USP9X: variants seen among roughly 807,000 people sequenced by gnomAD.
USP9X encodes the protein ubiquitin specific peptidase 9 X-linked, also known as ubiquitin carboxyl-terminal hydrolase 9X.
Under a neutral mutation model 190.3 loss-of-function variants are expected in USP9X, and 7 were observed. The ratio of observed to expected loss-of-function variants is 0.04; its 90% CI spans 0.02 to 0.07. USP9X has a LOEUF of 0.07. USP9X is among the 10% of genes least tolerant of loss of function. The probability of loss-of-function intolerance (pLI) is 1.00; values close to 1 mark genes in which losing one functional copy is unlikely to be tolerated. For synonymous variants in USP9X, 645 were observed against 659.5 expected, an observed-to-expected ratio of 0.98 and a Z score of 0.34; for missense variants, 1,010 against 1,916.9, an observed-to-expected ratio of 0.53 and a Z score of 8.83.
At position 41,206,022 on chromosome X, in the gene USP9X, C is replaced by T. The variant is rs779256372; in HGVS notation, c.5015+529C>T. Among the ~76,000 whole-genome samples the T allele has an allele frequency of 4.6e-5, 5 of 108,963 alleles. No homozygotes were observed. In the East Asian group the frequency reaches 1.4e-3, roughly 31 times the overall value. The allele number at this position is 108,963 out of a possible 115,157, so 94.6% of individuals were successfully genotyped here. A position where few individuals can be genotyped will look rare whatever the true frequency, so the allele number is the denominator to read the frequency against. On this transcript the variant is annotated intron_variant, in intron 32 of 44. Transcript: ENST00000378308. Reference sequence around the variant, plus strand: ...TCTCCTGCCTCAGCCTCCCAAGTAGCTGGGATTACAGGCACCCACCACCAC... The same window carrying T: ...TCTCCTGCCTCAGCCTCCCAAGTAGTTGGGATTACAGGCACCCACCACCAC...
intron 24 of USP9X, 45 bp downstream of exon 24, chrX:41,186,687 C>A (rs1298119218): frequency 1.7e-5 from 20 of 1,187,170 alleles, no homozygotes; most frequent in Admixed American, 2.2e-5. Context: ...CTTTCCTAGG[C>A]CCACTTATTT....
At chrX:41,205,545 A>G (rs1449818574) in intron 32 of USP9X, 52 bp downstream of exon 32, 10 of 1,044,638 alleles carry the variant, frequency 9.6e-6, no homozygotes, top group Non-Finnish European at 1.3e-5. Context: ...GAACATCTCA[A>G]TACACTAACA....
chrX:41,203,263 G>A (rs1380042785), intron 31 of USP9X, among the ~76,000 whole-genome samples: 8 of 111,095 alleles, frequency 7.2e-5, no homozygotes, highest in Admixed American at 4.8e-4. Context: ...CATTTACATT[G>A]TTGTACACCA....
At chrX:41,197,895 C>T (rs2063001761) in intron 29 of USP9X, among the ~76,000 whole-genome samples, 1 of 110,480 alleles carries the variant, frequency 9.1e-6, no homozygotes. Flanking sequence ...CACCCATGGT[C>T]CCCAGCTACT....
chrX:41,174,570 C>T (rs1174849026), intron 21 of USP9X, among the ~76,000 whole-genome samples: 2 of 111,819 alleles, frequency 1.8e-5, no homozygotes, highest in South Asian at 7.4e-4. Flanking sequence ...ACCACAGAAG[C>T]GATGTTCTGT....
intron 1 of USP9X, among the ~76,000 whole-genome samples, chrX:41,098,360 G>T (rs1197010558): frequency 9.0e-6 from 1 of 110,531 alleles, no homozygotes; most frequent in Admixed American, 9.6e-5. Flanking sequence ...GGCTGGTCTC[G>T]AACTGCTGAC....
intron 1 of USP9X, among the ~76,000 whole-genome samples, chrX:41,103,792 A>C (rs564949133): frequency 1.8e-5 from 2 of 111,708 alleles, no homozygotes; most frequent in South Asian, 7.4e-4. Flanking sequence ...TATTGCTGGA[A>C]ACCTAGCATT....
intron 6 of USP9X, among the ~76,000 whole-genome samples, chrX:41,138,020 T>C (rs2062390302): frequency 9.0e-6 from 1 of 111,582 alleles, no homozygotes; most frequent in Admixed American, 9.6e-5. Context: ...AATATAGTTC[T>C]TGCTATTAAA....
At chrX:41,226,682 A>T (rs2147269933) in intron 41 of USP9X, among the ~76,000 whole-genome samples, 1 of 112,570 alleles carries the variant, frequency 8.9e-6, no homozygotes, top group South Asian at 3.6e-4. Flanking sequence ...AATTTTCGTG[A>T]GACACAAAAG....
At chrX:41,100,801 C>T (rs972177548) in intron 1 of USP9X, among the ~76,000 whole-genome samples, 13 of 110,686 alleles carry the variant, frequency 1.2e-4, no homozygotes, top group African/African-American at 4.3e-4. Flanking sequence ...TGCCCACCAC[C>T]ACGCCCAGCT....
intron 1 of USP9X, among the ~76,000 whole-genome samples, chrX:41,098,053 G>C (rs775375077): frequency 6.3e-4 from 70 of 111,115 alleles, no homozygotes; most frequent in Middle Eastern, 4.8e-3. Context: ...TAGTCATTCA[G>C]ATCAAGATAC....
intron 15 of USP9X, among the ~76,000 whole-genome samples, chrX:41,164,439 C>T (rs1043368168): frequency 6.4e-5 from 7 of 110,201 alleles, no homozygotes; most frequent in Non-Finnish European, 1.3e-4. Context: ...AGTAAGCAGT[C>T]GTTACTGATT....
intron 6 of USP9X, among the ~76,000 whole-genome samples, chrX:41,137,881 C>CT (rs747821412): frequency 2.9e-4 from 30 of 104,523 alleles, no homozygotes; most frequent in South Asian, 8.1e-4. Flanking sequence ...TTAAATTTTA[C>CT]TTTTTTTTTT....
intron 43 of USP9X, 129 bp downstream of exon 43, chrX:41,229,908 A>G: frequency 9.1e-7 from 1 of 1,102,530 alleles, no homozygotes; most frequent in Middle Eastern, 3.1e-4. Context: ...GGTTTTGAAA[A>G]ATGTTTATTC....
chrX:41,224,650 A>T (rs2063297289), intron 39 of USP9X, 92 bp from the exon 40 acceptor site: 2 of 851,285 alleles, frequency 2.3e-6, no homozygotes, highest in Non-Finnish European at 3.3e-6. Flanking sequence ...AAAATAAAAA[A>T]AAATTATAGG....
intron 4 of USP9X, among the ~76,000 whole-genome samples, chrX:41,132,899 CT>C (rs750006723): frequency 1.3e-4 from 14 of 111,420 alleles, no homozygotes; most frequent in East Asian, 2.8e-4. Context: ...TGGAATTAAT[CT>C]TTTTTTTCCC....
intron 1 of USP9X, among the ~76,000 whole-genome samples, chrX:41,101,979 T>G (rs1470811332): frequency 9.0e-6 from 1 of 111,443 alleles, no homozygotes; most frequent in Middle Eastern, 4.2e-3. Context: ...AGCATGGGAC[T>G]GAGGGGAGGT....
chrX:41,200,461 T>A (rs1037876112), intron 30 of USP9X, among the ~76,000 whole-genome samples: 4 of 111,965 alleles, frequency 3.6e-5, no homozygotes, highest in African/African-American at 1.3e-4. Flanking sequence ...GATTTACAAT[T>A]ATCACAAATC....
chrX:41,098,171 C>A lies in USP9X; in HGVS notation c.-159+12062C>A, dbSNP rs768613272. On this transcript the variant is annotated intron_variant, in intron 1 of 44. Transcript: ENST00000378308. ...TTTTTTTTTTCTTGAGATGGAGTCT[C>A]GCTCTGTTGCCCAGGCTGGAGTGCA... Among the ~76,000 whole-genome samples the A allele has an allele frequency of 2.9e-5, 3 of 102,903 alleles. No individual in the cohort carries two copies. The East Asian group carries it at 9.1e-4, about 31-fold the overall frequency. The allele number at this position is 102,903 out of a possible 115,157, so 89.4% of individuals were successfully genotyped here.
Sources: gnomAD v4.1 joint callset for allele counts (sites outside exome capture counted in the v4.1 genomes callset) on GRCh38, gnomAD v4.1.1 for gene constraint, MANE v1.5 for transcripts, NCBI Gene and HGNC (gene_info 2026-07-23, HGNC 2026-07-21) for gene names.